The following TCF7L1 variants were observed in gnomAD, a reference collection of about 807,000 sequenced individuals.
The protein encoded by TCF7L1 is transcription factor 7-like 1.
A neutral mutation model predicts 63.7 loss-of-function variants in TCF7L1; 18 were observed. The ratio of observed to expected loss-of-function variants is 0.28; its 90% confidence interval spans 0.20 to 0.42. TCF7L1 has a LOEUF of 0.42. Among genes scored for constraint, TCF7L1 ranks in the 10% least tolerant of loss-of-function variants. The pLI, the probability that TCF7L1 is intolerant of heterozygous loss-of-function variation, is 1.00. For synonymous variants in TCF7L1, 355 were observed against 340.9 expected (o/e 1.04, Z -0.46); for missense variants, 654 against 779.3 (o/e 0.84, Z 1.91).
At chr2:85,280,754 C>T (rs1681389953) in intron 3 of TCF7L1, among the ~76,000 whole-genome samples, 1 of 152,292 alleles carries the variant, frequency 6.6e-6, no homozygotes, top group South Asian at 2.1e-4. Flanking sequence ...GCACCTTCAG[C>T]ATCCCTCCAG....
chr2:85,144,715 C>CTGTGTG (rs1239419620), intron 3 of TCF7L1, among the ~76,000 whole-genome samples: 1 of 125,026 alleles, frequency 8.0e-6, no homozygotes, highest in African/African-American at 2.9e-5. Flanking sequence ...TTCTCTCTCT[C>CTGTGTG]TCTCTGTGTG....
At chr2:85,231,730 A>G (rs1481460817) in intron 3 of TCF7L1, among the ~76,000 whole-genome samples, 2 of 152,004 alleles carry the variant, frequency 1.3e-5, no homozygotes, top group Non-Finnish European at 1.5e-5. Flanking sequence ...CCCTCCCACC[A>G]TGTCCCCTTC....
chr2:85,214,090 G>A (rs1225031776), intron 3 of TCF7L1, among the ~76,000 whole-genome samples: 1 of 152,148 alleles, frequency 6.6e-6, no homozygotes, highest in Non-Finnish European at 1.5e-5. Context: ...AGCCTGAACC[G>A]TGTCAGGGAA....
chr2:85,240,776 CAAA>C (rs397974438), intron 3 of TCF7L1, among the ~76,000 whole-genome samples: 11 of 95,750 alleles, frequency 1.1e-4, no homozygotes, highest in Non-Finnish European at 1.4e-4. Context: ...ACTCTTGCCT[CAAA>C]AAAAAAAAAA....
chr2:85,240,439 G>A (rs1020139234), intron 3 of TCF7L1, among the ~76,000 whole-genome samples: 3 of 152,142 alleles, frequency 2.0e-5, no homozygotes, highest in African/African-American at 7.2e-5. Flanking sequence ...AACAGTTCCC[G>A]TGTTAGAGGT....
intron 3 of TCF7L1, among the ~76,000 whole-genome samples, chr2:85,267,936 TCAAA>T (rs1681021380): frequency 6.6e-6 from 1 of 152,210 alleles, no homozygotes; most frequent in Admixed American, 6.5e-5. Flanking sequence ...GATATTAATA[TCAAA>T]CAGAGTATGA....
At chr2:85,297,988 C>A (rs1172027843) in intron 4 of TCF7L1, among the ~76,000 whole-genome samples, 1 of 150,884 alleles carries the variant, frequency 6.6e-6, no homozygotes. Context: ...GACAGAGTCT[C>A]CCTCTGTCGC....
intron 3 of TCF7L1, among the ~76,000 whole-genome samples, chr2:85,203,728 C>CA (rs1407133533): frequency 8.6e-6 from 1 of 116,934 alleles, no homozygotes; most frequent in African/African-American, 3.3e-5. Flanking sequence ...GACCCTATCT[C>CA]AAAAAAAGAA....
chr2:85,308,459 C>CCTTT (rs1558663554), intron 11 of TCF7L1, among the ~76,000 whole-genome samples: 1 of 29,246 alleles, frequency 3.4e-5, no homozygotes. Flanking sequence ...TTCCCTCCCT[C>CCTTT]TCTTTCCCTC....
At chr2:85,206,942 C>A (rs1357708094) in intron 3 of TCF7L1, among the ~76,000 whole-genome samples, 1 of 151,700 alleles carries the variant, frequency 6.6e-6, no homozygotes, top group Non-Finnish European at 1.5e-5. Flanking sequence ...ACACCACTCT[C>A]TGGTCAGAAA....
At chr2:85,141,557 T>G (rs1261151760) in intron 3 of TCF7L1, among the ~76,000 whole-genome samples, 13 of 152,162 alleles carry the variant, frequency 8.5e-5, no homozygotes, top group African/African-American at 2.7e-4. Flanking sequence ...ACAACCCATT[T>G]CAAAAGCCTG....
intron 3 of TCF7L1, chr2:85,186,276 T>A (rs1678920839): frequency 6.6e-6 from 1 of 152,168 alleles, no homozygotes; most frequent in South Asian, 2.1e-4. Flanking sequence ...CGCAGGGGAC[T>A]TTATTTTAGA....
At chr2:85,149,988 C>T (rs1292439416) in intron 3 of TCF7L1, among the ~76,000 whole-genome samples, 1 of 152,120 alleles carries the variant, frequency 6.6e-6, no homozygotes, top group Non-Finnish European at 1.5e-5. Context: ...GGACATTCGC[C>T]AAAGTGTAAT....
chr2:85,142,840 A>G (rs943428890), intron 3 of TCF7L1, among the ~76,000 whole-genome samples: 2 of 152,200 alleles, frequency 1.3e-5, no homozygotes, highest in Non-Finnish European at 2.9e-5. Flanking sequence ...GGACACTTCT[A>G]TAGTTTCTTT....
intron 3 of TCF7L1, chr2:85,166,959 C>T (rs56270929): frequency 0.037 from 5,603 of 152,322 alleles, 148 homozygotes; most frequent in Non-Finnish European, 0.052. Context: ...AGTGCACTGA[C>T]GTGATCTCGG....
In TCF7L1 at chr2:85,203,781, G is replaced by A. The variant is rs569536818; in HGVS notation, c.441+69331G>A. 2.7e-5 allele frequency among the ~76,000 whole-genome samples: 4 copies of A among 150,042 alleles called. No individual in the cohort carries two copies. The South Asian group carries it at 6.4e-4, about 24-fold the overall frequency. On this transcript the variant is annotated intron_variant, in intron 3 of 11. Coordinates refer to ENST00000282111, the MANE Select transcript of TCF7L1 (RefSeq NM_031283.3). Reference sequence around the variant, plus strand: ...AAGAAAGAAAGAAAAGGAAGGAAGGGAAGAAGGGAAGAAAATAAATTCTAA... The same window carrying A: ...AAGAAAGAAAGAAAAGGAAGGAAGGAAAGAAGGGAAGAAAATAAATTCTAA...
chr2:85,203,964 G>T (rs1168457754), intron 3 of TCF7L1, among the ~76,000 whole-genome samples: 1 of 152,128 alleles, frequency 6.6e-6, no homozygotes, highest in Non-Finnish European at 1.5e-5. Flanking sequence ...ACTATACAGG[G>T]AGGGGCGGTT....
chr2:85,193,770 G>A (rs967157717), intron 3 of TCF7L1, among the ~76,000 whole-genome samples: 5 of 152,176 alleles, frequency 3.3e-5, no homozygotes, highest in African/African-American at 1.2e-4. Context: ...AAATACAGAA[G>A]TATTTAGACA....
rs188831967 is a variant in TCF7L1 at position 85,227,209 on chromosome 2, C to T, written c.442-56286C>T. The stretch of plus-strand genomic sequence containing the variant: ...TTATCTTTGGACTTCTCTTCCTGCC[C>T]TCACCCCTTTGCACTTAGCTCCGCT... On this transcript the variant is annotated intron_variant, in intron 3 of 11. Coordinates refer to ENST00000282111, the MANE Select transcript of TCF7L1 (RefSeq NM_031283.3). 2.6e-5 allele frequency among the ~76,000 whole-genome samples: 4 copies of T among 152,294 alleles called. 1 individual carries two copies. The highest frequency in any genetic ancestry group is 2.6e-4 in the Admixed American group (4 of 15,294).
Sources: gnomAD v4.1 joint callset for allele counts (sites outside exome capture counted in the v4.1 genomes callset) on GRCh38, gnomAD v4.1.1 for gene constraint, MANE v1.5 for transcripts, NCBI Gene and HGNC (gene_info 2026-07-23, HGNC 2026-07-21) for gene names.